The following UGT2B7 variants were observed in gnomAD, a reference collection of about 807,000 sequenced individuals.
UGT2B7 encodes UDP glucuronosyltransferase family 2 member B7, also known as UDP-glucuronosyltransferase 2B7.
A neutral mutation model predicts 51.9 loss-of-function variants in UGT2B7; 51 were observed. The ratio of observed to expected loss-of-function variants is 0.98; its 90% CI spans 0.78 to 1.24. UGT2B7 has a LOEUF of 1.24. Ranked by LOEUF, UGT2B7 falls within the 50% of genes most tolerant of loss-of-function variation. The pLI, the probability that UGT2B7 is intolerant of heterozygous loss-of-function variation, is 0.00. For synonymous variants in UGT2B7, 225 were observed against 211.6 expected, an observed-to-expected ratio of 1.06 and a Z score of -0.55; for missense variants, 727 against 628.4, an observed-to-expected ratio of 1.16 and a Z score of -1.68.
chr4:69,097,556 T>A (rs574663740), intron 1 of UGT2B7, among the ~76,000 whole-genome samples: 2 of 152,196 alleles, frequency 1.3e-5, no homozygotes, highest in East Asian at 3.9e-4. Flanking sequence ...AACAGTAAAA[T>A]CCATCAAATA....
chr4:69,098,150 G>A (rs901916919), intron 1 of UGT2B7, among the ~76,000 whole-genome samples: 13 of 151,890 alleles, frequency 8.6e-5, no homozygotes, highest in Non-Finnish European at 1.6e-4. Flanking sequence ...TTATTTTTAT[G>A]GGTAGAGTAG....
At chr4:69,101,293 T>A (rs1006832221) in intron 2 of UGT2B7, among the ~76,000 whole-genome samples, 2 of 151,992 alleles carry the variant, frequency 1.3e-5, no homozygotes, top group Admixed American at 1.3e-4. Flanking sequence ...AAAAAATATA[T>A]TTTACATAAA....
chr4:69,092,838 A>G (rs949206115), upstream of UGT2B7, among the ~76,000 whole-genome samples: 1 of 152,016 alleles, frequency 6.6e-6, no homozygotes, highest in Non-Finnish European at 1.5e-5. Flanking sequence ...TGAAAGAATA[A>G]TCAAAATCTA....
chr4:69,084,487 A>G (rs1487863567), intron 1 of UGT2B7, among the ~76,000 whole-genome samples: 1 of 152,112 alleles, frequency 6.6e-6, no homozygotes, highest in Non-Finnish European at 1.5e-5. Flanking sequence ...TCTTGGATAC[A>G]TGTGCAGAAC....
chr4:69,107,506 C>T (rs367949561), intron 4 of UGT2B7, among the ~76,000 whole-genome samples: 1 of 152,126 alleles, frequency 6.6e-6, no homozygotes, highest in Non-Finnish European at 1.5e-5. Flanking sequence ...TTATATCTCA[C>T]AAAATTTTTC....
At chr4:69,103,584 G>A (rs1719494858) in intron 3 of UGT2B7, among the ~76,000 whole-genome samples, 1 of 152,090 alleles carries the variant, frequency 6.6e-6, no homozygotes, top group African/African-American at 2.4e-5. Context: ...TGACTTTCAG[G>A]TGTTTTCACA....
At position 69,112,955 on chromosome 4, in the gene UGT2B7, A is replaced by G; in HGVS notation, c.*219A>G. The G allele has an allele frequency of 1.7e-6, 1 of 580,808 alleles. No homozygotes were observed. The highest frequency in any genetic ancestry group is 2.8e-5 in the South Asian group (1 of 36,062). 36.0% of individuals were successfully genotyped at this position (580,808 alleles called of 1,614,324 possible). A position where few individuals can be genotyped will look rare whatever the true frequency, so the allele number is the denominator to read the frequency against. Reference sequence around the variant, plus strand: ...AATATTTTGTGGCAATGAAGAAAACACTACGGAAAATAAAAAATAAGATAA... The same window carrying G: ...AATATTTTGTGGCAATGAAGAAAACGCTACGGAAAATAAAAAATAAGATAA... On this transcript the variant is annotated 3_prime_UTR_variant, in exon 6 of 6. Coordinates refer to ENST00000305231, the MANE Select transcript of UGT2B7 (RefSeq NM_001074.4).
intron 1 of UGT2B7, among the ~76,000 whole-genome samples, chr4:69,053,107 A>T (rs1718082490): frequency 6.6e-6 from 1 of 152,152 alleles, no homozygotes; most frequent in Non-Finnish European, 1.5e-5. Context: ...AAAAGGTTAA[A>T]AAGAGTCTAT....
chr4:69,099,261 A>C (rs1719349862), intron 2 of UGT2B7, among the ~76,000 whole-genome samples: 1 of 28,330 alleles, frequency 3.5e-5, no homozygotes. Flanking sequence ...GACAGACAAA[A>C]AAAAAAAAAA....
intron 2 of UGT2B7, among the ~76,000 whole-genome samples, chr4:69,099,436 A>G (rs1719357799): frequency 6.6e-6 from 1 of 151,978 alleles, no homozygotes; most frequent in Non-Finnish European, 1.5e-5. Flanking sequence ...AAAAAGATTA[A>G]GAAATAAAAA....
chr4:69,062,624 A>ATC (rs1491272030), intron 1 of UGT2B7, among the ~76,000 whole-genome samples: 1 of 152,182 alleles, frequency 6.6e-6, no homozygotes, highest in African/African-American at 2.4e-5. Flanking sequence ...CCAGCAGGAC[A>ATC]TAGACCATCT....
At chr4:69,107,355 T>A (rs1391660991) in intron 4 of UGT2B7, 93 bp downstream of exon 4, 1 of 1,360,058 alleles carries the variant, frequency 7.4e-7, no homozygotes, top group Non-Finnish European at 1.0e-6. Flanking sequence ...GAATATTTGT[T>A]AAGGAAAAAC....
intron 1 of UGT2B7, among the ~76,000 whole-genome samples, chr4:69,081,686 C>T (rs1718841459): frequency 6.6e-6 from 1 of 152,050 alleles, no homozygotes; most frequent in Non-Finnish European, 1.5e-5. Context: ...TAGATTCTAC[C>T]AAAGCTTTCA....
At chr4:69,079,822 C>A (rs796875259) in intron 1 of UGT2B7, among the ~76,000 whole-genome samples, 2 of 151,252 alleles carry the variant, frequency 1.3e-5, no homozygotes, top group Non-Finnish European at 2.9e-5. Context: ...CTGACTTTGG[C>A]TTTTGGTGTT....
intron 5 of UGT2B7, among the ~76,000 whole-genome samples, chr4:69,110,445 G>A (rs1485145925): frequency 1.4e-5 from 2 of 145,040 alleles, no homozygotes; most frequent in South Asian, 4.4e-4. Context: ...CAACAGATAT[G>A]TATAAATAAA....
intron 5 of UGT2B7, among the ~76,000 whole-genome samples, chr4:69,109,520 C>G (rs961339963): frequency 6.6e-6 from 1 of 152,084 alleles, no homozygotes; most frequent in Non-Finnish European, 1.5e-5. Flanking sequence ...GCCTACTGAT[C>G]ATTCATATAT....
Position 69,096,892 on chromosome 4 carries a change from A to G in UGT2B7, c.372A>G (p.Arg124=), listed in dbSNP as rs28365063. Residue 124 remains arginine, a synonymous_variant, in exon 1 of 6, where the codon AGA becomes AGG. Coordinates refer to ENST00000305231, the MANE Select transcript of UGT2B7 (RefSeq NM_001074.4). ...EIMSIFGDIT[R]KFCKDVVSNK... is the part of the protein sequence containing the mutation. ...TGTCAATATTTGGTGACATAACTAG[A>G]AAGTTCTGTAAAGATGTAGTTTCAA... 0.17 allele frequency: 267,914 copies of G among 1,611,946 alleles called. 23,270 individuals are homozygous for G. The highest frequency in any genetic ancestry group is 0.18 in the Middle Eastern group (1,093 of 6,058).
At chr4:69,086,257 A>C (rs771005153) in intron 1 of UGT2B7, among the ~76,000 whole-genome samples, 29 of 151,634 alleles carry the variant, frequency 1.9e-4, no homozygotes, top group Non-Finnish European at 4.0e-4. Context: ...ATGGTTGTTT[A>C]TGAGCACATT....
intron 1 of UGT2B7, among the ~76,000 whole-genome samples, chr4:69,071,199 T>C (rs1215584741): frequency 2.6e-5 from 4 of 152,110 alleles, no homozygotes; most frequent in Non-Finnish European, 5.9e-5. Flanking sequence ...GATTATAATG[T>C]TACATGATTT....
Sources: allele counts gnomAD v4.1 joint callset (sites outside exome capture counted in the v4.1 genomes callset), GRCh38; gene constraint gnomAD v4.1.1; transcripts MANE v1.5; gene names NCBI Gene and HGNC (gene_info 2026-07-23, HGNC 2026-07-21).